The following SEC14L1 variants were observed in gnomAD, a reference collection of about 807,000 sequenced individuals.
SEC14L1 encodes SEC14-like protein 1.
SEC14L1 carries 48 observed loss-of-function variants against 85.3 expected under a neutral mutation model. The observed-to-expected ratio is 0.56, with a 90% confidence interval of 0.45 to 0.72. The LOEUF is 0.72. Ranked by LOEUF, SEC14L1 falls within the 30% of genes least tolerant of loss-of-function variation. The pLI is 0.00. For missense variants in SEC14L1, 682 were observed against 921.4 expected (o/e 0.74, Z 3.36); for synonymous variants, 391 against 355.5 (o/e 1.10, Z -1.12).
At chr17:77,191,333 C>A in intron 5 of SEC14L1, 21 bp downstream of exon 5, 1 of 1,613,052 alleles carries the variant, frequency 6.2e-7, no homozygotes, top group Non-Finnish European at 8.5e-7. Flanking sequence ...TGTCACTCGG[C>A]GGAAGATGTT....
At chr17:77,144,102 G>T (rs1352652919) in intron 3 of SEC14L1, among the ~76,000 whole-genome samples, 1 of 152,160 alleles carries the variant, frequency 6.6e-6, no homozygotes, top group Non-Finnish European at 1.5e-5. Flanking sequence ...CGATTCAAAT[G>T]ACTCTGTTGA....
chr17:77,127,222 T>C (rs1972475587), intron 3 of SEC14L1, among the ~76,000 whole-genome samples: 1 of 151,960 alleles, frequency 6.6e-6, no homozygotes, highest in African/African-American at 2.4e-5. Context: ...CACTTATGAG[T>C]GAGAACATGC....
intron 3 of SEC14L1, among the ~76,000 whole-genome samples, chr17:77,175,775 C>G (rs995775381): frequency 6.6e-6 from 1 of 152,304 alleles, no homozygotes; most frequent in Non-Finnish European, 1.5e-5. Flanking sequence ...TCCTGGGTCT[C>G]GGCTGTGCCT....
At chr17:77,150,266 G>T (rs1267167432) in intron 3 of SEC14L1, among the ~76,000 whole-genome samples, 1 of 152,154 alleles carries the variant, frequency 6.6e-6, no homozygotes. Flanking sequence ...CCACAGACCA[G>T]CTTTGTAACC....
intron 3 of SEC14L1, among the ~76,000 whole-genome samples, chr17:77,161,978 C>T (rs145892114): frequency 0.011 from 1,593 of 144,114 alleles, 14 homozygotes; most frequent in Non-Finnish European, 0.015. Flanking sequence ...GGCTGACTTT[C>T]AATAGATCGC....
At chr17:77,209,193 C>A in intron 13 of SEC14L1, 149 bp from the exon 14 acceptor site, 1 of 810,674 alleles carries the variant, frequency 1.2e-6, no homozygotes, top group Non-Finnish European at 1.9e-6. Flanking sequence ...CTCAGTAGTG[C>A]AGAGTGTTTT....
chr17:77,106,352 T>G (rs964640976), intron 3 of SEC14L1, among the ~76,000 whole-genome samples: 1 of 151,990 alleles, frequency 6.6e-6, no homozygotes, highest in South Asian at 2.1e-4. Flanking sequence ...GCCAATATGG[T>G]GAAACCCCGT....
In SEC14L1 at chr17:77,200,811, C is replaced by CT. The variant is rs1280757422; in HGVS notation, c.1009+141dup. The CT allele has an allele frequency of 3.4e-5, 28 of 820,078 alleles. 2 individuals carry two copies. In the Admixed American group the frequency reaches 7.7e-4, roughly 22 times the overall value. The allele number at this position is 820,078 out of a possible 1,614,324, so 50.8% of individuals were successfully genotyped here. On this transcript the variant is annotated intron_variant, in intron 9 of 16. Transcript: ENST00000436233. ...TCTCCTCACTCTGAGAATTTGGCAC[C>CT]TTTCCCAAGTTGAACAGACTGATAC...
intron 3 of SEC14L1, among the ~76,000 whole-genome samples, chr17:77,111,890 A>T (rs1375424852): frequency 6.6e-6 from 1 of 152,146 alleles, no homozygotes; most frequent in Non-Finnish European, 1.5e-5. Flanking sequence ...GAAAGGCATG[A>T]TTGTGTTTTG....
chr17:77,143,437 G>T, intron 2 of SEC14L1, 130 bp from the exon 3 acceptor site: 1 of 550,872 alleles, frequency 1.8e-6, no homozygotes, highest in Non-Finnish European at 3.2e-6. Flanking sequence ...TTTCATTTTT[G>T]TGTGCATAGA....
chr17:77,205,133 T>A (rs562238705), intron 10 of SEC14L1, 143 bp from the exon 11 acceptor site: 2 of 655,322 alleles, frequency 3.1e-6, no homozygotes, highest in African/African-American at 3.6e-5. Context: ...CGCATGTGAA[T>A]GTGTAAGAAA....
At chr17:77,143,793 C>G (rs1483015534) in intron 3 of SEC14L1, 134 bp downstream of exon 3, 2 of 654,658 alleles carry the variant, frequency 3.1e-6, no homozygotes, top group African/African-American at 3.7e-5. Context: ...TGCTTATGAA[C>G]CGTATCTAGA....
At chr17:77,118,349 G>T (rs1434797501) in intron 3 of SEC14L1, among the ~76,000 whole-genome samples, 1 of 152,244 alleles carries the variant, frequency 6.6e-6, no homozygotes, top group Non-Finnish European at 1.5e-5. Context: ...TTCGGAGAGT[G>T]AAGGAGGCCT....
At chr17:77,182,069 T>C (rs561676614) in intron 3 of SEC14L1, among the ~76,000 whole-genome samples, 1 of 152,192 alleles carries the variant, frequency 6.6e-6, no homozygotes, top group East Asian at 1.9e-4. Flanking sequence ...TATAAATGAG[T>C]TTGAGGGTCG....
At chr17:77,172,272 G>C (rs1420108714) in intron 3 of SEC14L1, among the ~76,000 whole-genome samples, 1 of 152,106 alleles carries the variant, frequency 6.6e-6, no homozygotes, top group Non-Finnish European at 1.5e-5. Flanking sequence ...GCCCTTGACC[G>C]CCGTATTCTT....
intron 3 of SEC14L1, among the ~76,000 whole-genome samples, chr17:77,120,027 T>C (rs1050180296): frequency 6.6e-6 from 1 of 152,152 alleles, no homozygotes; most frequent in African/African-American, 2.4e-5. Context: ...TTTGTTATAC[T>C]GCCTGAGAGC....
chr17:77,173,385 C>T (rs1258805098), intron 3 of SEC14L1, among the ~76,000 whole-genome samples: 7 of 121,214 alleles, frequency 5.8e-5, no homozygotes, highest in East Asian at 2.2e-4. Flanking sequence ...GGGTCCAGGG[C>T]GGCTGCCTGA....
At chr17:77,156,865 C>T (rs1466093827) in intron 3 of SEC14L1, among the ~76,000 whole-genome samples, 1 of 152,066 alleles carries the variant, frequency 6.6e-6, no homozygotes, top group African/African-American at 2.4e-5. Context: ...AAAGCGTGTC[C>T]TGGTTTATGT....
chr17:77,213,365 C>T lies in SEC14L1; in HGVS notation c.1915C>T (p.His639Tyr). Residue 639 changes from histidine (H) to tyrosine (Y), a missense_variant, in exon 16 of 17, where the codon CAC (histidine) becomes TAC (tyrosine). By Grantham distance (83) the His-to-Tyr change is moderately conservative. Coordinates refer to ENST00000436233, the MANE Select transcript of SEC14L1 (RefSeq NM_001143998.2). This position sits in a 1 kb window ranked among gnomAD's most constrained non-coding sequence, Gnocchi z 7.1. ...PGFYILQWKF[H>Y]SMPACAASSL... is the part of the protein sequence containing the mutation. ...CTTCTACATCCTGCAGTGGAAATTC[C>T]ACAGCATGCCTGCGTGCGCCGCCAG... is the stretch of plus-strand genomic sequence containing the variant. 6.2e-7 allele frequency: 1 copy of T among 1,613,400 alleles called. No individual in the cohort carries two copies. The highest frequency in any genetic ancestry group is 8.5e-7 in the Non-Finnish European group (1 of 1,179,916).
Sources: gnomAD v4.1 joint callset for allele counts (sites outside exome capture counted in the v4.1 genomes callset) on GRCh38, gnomAD v4.1.1 for gene constraint, Gnocchi (gnomAD v3.1) non-coding constraint, MANE v1.5 for transcripts, NCBI Gene and HGNC (gene_info 2026-07-23, HGNC 2026-07-21) for gene names.